EYA1: variants seen among roughly 807,000 people sequenced by gnomAD.
EYA1 encodes the protein protein phosphatase EYA1.
EYA1 carries 16 observed loss-of-function variants against 82.0 expected under a neutral mutation model. That is an observed-to-expected ratio of 0.20 (90% confidence interval 0.13 to 0.30). EYA1 has a LOEUF of 0.30. EYA1 is among the 10% of genes least tolerant of loss of function. EYA1 has a pLI of 1.00. For missense variants in EYA1, 633 were observed against 730.7 expected (o/e 0.87, Z 1.54); for synonymous variants, 261 against 264.4 (o/e 0.99, Z 0.12).
rs536904743 is a variant in EYA1, at chr8:71,274,415, A to G, written c.827-2518T>C. On this transcript the variant is annotated intron_variant, in intron 9 of 17. Transcript: ENST00000340726. ...ACAACTCAAATATTCAAATCATTTA[A>G]TCTTCTAATCCACTGACAGCTCATG... 3.3e-5 allele frequency among the ~76,000 whole-genome samples: 5 copies of G among 152,294 alleles called. No homozygotes were observed. In the South Asian group the frequency reaches 8.3e-4, roughly 25 times the overall value.
At chr8:71,525,199 C>T (rs1481427562) in intron 2 of EYA1, among the ~76,000 whole-genome samples, 1 of 152,198 alleles carries the variant, frequency 6.6e-6, no homozygotes, top group Non-Finnish European at 1.5e-5. Context: ...GACAAACCCA[C>T]TCTCCCTCCT....
chr8:71,427,619 C>T (rs1260987947), intron 2 of EYA1, among the ~76,000 whole-genome samples: 1 of 152,084 alleles, frequency 6.6e-6, no homozygotes, highest in Non-Finnish European at 1.5e-5. Context: ...AGTGAGGTCA[C>T]TGACTTAAAA....
At chr8:71,261,012 G>T (rs1815035513) in intron 11 of EYA1, among the ~76,000 whole-genome samples, 1 of 152,110 alleles carries the variant, frequency 6.6e-6, no homozygotes, top group African/African-American at 2.4e-5. Context: ...GGGAAAATAA[G>T]CTGAAAAACA....
In EYA1 at chr8:71,303,401, TA is replaced by T. The variant is rs1218777110; in HGVS notation, c.557-3682del. On this transcript the variant is annotated intron_variant, in intron 7 of 17. Transcript: ENST00000340726. ...AATTGACCTGTAAACTAACAAATAC[TA>T]ATTATATGTAAACTAGTCCTTCCCC... Among the ~76,000 whole-genome samples, 2 of 142,216 alleles carry T rather than the reference TA, an allele frequency of 1.4e-5. 1 individual carries two copies. The highest frequency in any genetic ancestry group is 5.0e-5 in the African/African-American group (2 of 40,206). 93.3% of individuals were successfully genotyped at this position (142,216 alleles called of 152,430 possible).
rs1361481480 is a variant in EYA1, at chr8:71,334,197, T to G, written c.125-23A>C. ...TAACTACAAAAATAAACAACATACA[T>G]CGATATTGAATTAATAGTTATTTGT... On this transcript the variant is annotated intron_variant, in intron 3 of 17. Transcript: ENST00000340726. The G allele has an allele frequency of 3.3e-6, 5 of 1,526,992 alleles. No homozygotes were observed. The African/African-American group carries it at 6.8e-5, about 21-fold the overall frequency. The allele number at this position is 1,526,992 out of a possible 1,614,324, so 94.6% of individuals were successfully genotyped here. A position where few individuals can be genotyped will look rare whatever the true frequency, so the allele number is the denominator to read the frequency against.
intron 7 of EYA1, among the ~76,000 whole-genome samples, chr8:71,301,786 A>G (rs1365275216): frequency 1.3e-5 from 2 of 152,184 alleles, no homozygotes; most frequent in African/African-American, 4.8e-5. Flanking sequence ...GTTCATTTGC[A>G]TGTGGTAATT....
intron 2 of EYA1, among the ~76,000 whole-genome samples, chr8:71,392,511 C>T (rs528579029): frequency 2.0e-5 from 3 of 152,086 alleles, no homozygotes; most frequent in Non-Finnish European, 4.4e-5. Flanking sequence ...TAAATGGCTG[C>T]TTTTTGTATT....
intron 11 of EYA1, among the ~76,000 whole-genome samples, chr8:71,247,947 A>G (rs1813305305): frequency 6.6e-6 from 1 of 152,156 alleles, no homozygotes; most frequent in African/African-American, 2.4e-5. Flanking sequence ...TATGTGCCAT[A>G]GTATTGTTAC....
chr8:71,374,143 C>T (rs902404561), intron 2 of EYA1, among the ~76,000 whole-genome samples: 4 of 151,926 alleles, frequency 2.6e-5, no homozygotes, highest in Non-Finnish European at 4.4e-5. Context: ...AGTGGGACTA[C>T]ATTAAACTAA....
chr8:71,515,215 G>T (rs370103525), intron 2 of EYA1, among the ~76,000 whole-genome samples: 3 of 152,126 alleles, frequency 2.0e-5, no homozygotes, highest in African/African-American at 7.2e-5. Context: ...AATTCTATTG[G>T]CTCATTTTTC....
rs562263823 is a variant in EYA1 at position 71,230,812 on chromosome 8, T to A, written c.1141-13789A>T. 5.3e-5 allele frequency among the ~76,000 whole-genome samples: 8 copies of A among 152,346 alleles called. No homozygotes were observed. The East Asian group carries it at 1.5e-3, about 29-fold the overall frequency. ...CATTTAATTTTCTGAATCTGGAATT[T>A]TCAATACATATTTGGATTCTGTGTT... On this transcript the variant is annotated intron_variant, in intron 12 of 17. Transcript: ENST00000340726.
At chr8:71,275,865 A>G (rs1317081371) in intron 9 of EYA1, among the ~76,000 whole-genome samples, 1 of 152,110 alleles carries the variant, frequency 6.6e-6, no homozygotes, top group African/African-American at 2.4e-5. Context: ...ATATTATTTG[A>G]CCCCTCTGCA....
chr8:71,438,851 C>A (rs1357057931), intron 2 of EYA1, among the ~76,000 whole-genome samples: 1 of 152,162 alleles, frequency 6.6e-6, no homozygotes, highest in Non-Finnish European at 1.5e-5. Flanking sequence ...GGTGCCAGAT[C>A]TGTGTACGGA....
At chr8:71,521,727 CT>C (rs1480059340) in intron 2 of EYA1, among the ~76,000 whole-genome samples, 1 of 151,968 alleles carries the variant, frequency 6.6e-6, no homozygotes, top group African/African-American at 2.4e-5. Flanking sequence ...CTTTATAAAC[CT>C]TAAGTCAATG....
chr8:71,389,927 C>T (rs184359563), intron 2 of EYA1, among the ~76,000 whole-genome samples: 3 of 152,146 alleles, frequency 2.0e-5, no homozygotes, highest in African/African-American at 7.2e-5. Context: ...TATTTTTCTC[C>T]GTTTGATGCT....
At chr8:71,248,150 G>C (rs1813328366) in intron 11 of EYA1, among the ~76,000 whole-genome samples, 1 of 152,064 alleles carries the variant, frequency 6.6e-6, no homozygotes, top group Admixed American at 6.5e-5. Context: ...CACAGATGTT[G>C]GTCTTATTTA....
chr8:71,333,208 T>G (rs2129046180), intron 4 of EYA1, among the ~76,000 whole-genome samples: 1 of 152,336 alleles, frequency 6.6e-6, no homozygotes, highest in East Asian at 1.9e-4. Context: ...ATTACACCCT[T>G]TGTTAATTTT....
chr8:71,390,762 T>C (rs1408616786), intron 2 of EYA1, among the ~76,000 whole-genome samples: 1 of 152,112 alleles, frequency 6.6e-6, no homozygotes, highest in Non-Finnish European at 1.5e-5. Flanking sequence ...TAGACTCCAG[T>C]GTCATAAATG....
intron 9 of EYA1, among the ~76,000 whole-genome samples, chr8:71,294,186 G>A (rs554421081): frequency 6.6e-6 from 1 of 152,266 alleles, no homozygotes; most frequent in East Asian, 1.9e-4. Context: ...CCGGCCGGGC[G>A]CGGTGGCTCA....
Sources: allele counts gnomAD v4.1 joint callset (sites outside exome capture counted in the v4.1 genomes callset), GRCh38; gene constraint gnomAD v4.1.1; transcripts MANE v1.5; gene names NCBI Gene and HGNC (gene_info 2026-07-23, HGNC 2026-07-21).